STXBP4: variants seen among roughly 807,000 people sequenced by gnomAD.
The protein encoded by STXBP4 is syntaxin binding protein 4, also known as syntaxin-binding protein 4.
A neutral mutation model predicts 76.1 loss-of-function variants in STXBP4; 55 were observed. That is an observed-to-expected ratio of 0.72 (90% CI 0.58 to 0.91). The LOEUF is 0.91. Among genes scored for constraint, STXBP4 ranks in the 40% least tolerant of loss-of-function variants. The pLI is 0.00. For synonymous variants in STXBP4, 201 were observed against 220.2 expected, an observed-to-expected ratio of 0.91 and a Z score of 0.77; for missense variants, 618 against 636.9, an observed-to-expected ratio of 0.97 and a Z score of 0.32.
At position 55,162,571 on chromosome 17, in the gene STXBP4, A is replaced by C. The variant is rs62671360; in HGVS notation, c.*2660A>C. ...CCTGGGTTCCACTTACTCTTGATTT[A>C]AAAAAAAAAAAACAACAAAAGAGTT... On this transcript the variant is annotated 3_prime_UTR_variant, in exon 18 of 18. Transcript: ENST00000376352. 1 of 19,252 alleles carries C rather than the reference A, an allele frequency of 5.2e-5. No individual in the cohort carries two copies. Among genetic ancestry groups the C allele is most frequent in the Non-Finnish European group, 9.8e-5 (1 of 10,206 alleles). The allele number at this position is 19,252 out of a possible 1,614,324, so 1.2% of individuals were successfully genotyped here.
At chr17:55,026,466 G>T (rs915490222) in intron 8 of STXBP4, among the ~76,000 whole-genome samples, 1 of 152,148 alleles carries the variant, frequency 6.6e-6, no homozygotes, top group Non-Finnish European at 1.5e-5. Context: ...AACTTAACAG[G>T]AAAATGGAAT....
chr17:54,988,881 T>C (rs753828253), intron 3 of STXBP4, among the ~76,000 whole-genome samples: 12 of 152,154 alleles, frequency 7.9e-5, no homozygotes, highest in Non-Finnish European at 1.5e-4. Context: ...AGATAGGCCT[T>C]CCCAAATTAG....
rs138375018 is a variant in STXBP4, at chr17:55,037,420, T to A, written c.855+3161T>A. 1.2e-4 allele frequency among the ~76,000 whole-genome samples: 19 copies of A among 152,210 alleles called. 2 individuals are homozygous for A. The highest frequency in any genetic ancestry group is 4.6e-4 in the African/African-American group (19 of 41,558). On this transcript the variant is annotated intron_variant, in intron 10 of 17. Coordinates refer to ENST00000376352, the MANE Select transcript of STXBP4 (RefSeq NM_178509.6). ...GGATGGTCATGCTCCAGGTTAGCAA[T>A]TTATTTCCTCCTTACCAATATAATT...
rs115925208 is a variant in STXBP4, at chr17:55,130,342, G to A, written c.1490-10968G>A. Among the ~76,000 whole-genome samples, 1,077 of 152,230 alleles carry A rather than the reference G, an allele frequency of 7.1e-3. 16 individuals carry two copies. The highest frequency in any genetic ancestry group is 0.025 in the African/African-American group (1,019 of 41,542). On this transcript the variant is annotated intron_variant, in intron 16 of 17. Coordinates refer to ENST00000376352, the MANE Select transcript of STXBP4 (RefSeq NM_178509.6). ...ATATGTTATGCAACAGTAGAAAACT[G>A]TTGCTATAAAAGTATAAACAGTAGG...
chr17:55,006,795 T>G (rs1405576327), intron 7 of STXBP4, among the ~76,000 whole-genome samples: 1 of 152,182 alleles, frequency 6.6e-6, no homozygotes, highest in Non-Finnish European at 1.5e-5. Context: ...GACTTGCATT[T>G]ATGGTTTTTT....
the STXBP4 span, among the ~76,000 whole-genome samples, chr17:55,198,978 C>G: frequency 6.6e-6 from 1 of 152,148 alleles, no homozygotes; most frequent in Non-Finnish European, 1.5e-5. Flanking sequence ...TCTTTCTATG[C>G]CAATGGATTG....
intron 8 of STXBP4, among the ~76,000 whole-genome samples, chr17:55,009,058 TATCA>T (rs2078057732): frequency 6.6e-6 from 1 of 152,226 alleles, no homozygotes; most frequent in African/African-American, 2.4e-5. Context: ...TATCTTGTTT[TATCA>T]ATGAAATTAT....
the STXBP4 span, among the ~76,000 whole-genome samples, chr17:55,198,289 T>C: frequency 6.6e-6 from 1 of 152,176 alleles, no homozygotes; most frequent in Non-Finnish European, 1.5e-5. Flanking sequence ...TCTGGTCCTT[T>C]TGTTACTTAG....
chr17:55,197,982 G>T, the STXBP4 span, among the ~76,000 whole-genome samples: 1 of 152,192 alleles, frequency 6.6e-6, no homozygotes, highest in African/African-American at 2.4e-5. Flanking sequence ...GGAAAGCAGA[G>T]ATTTATTGAA....
Position 55,071,291 on chromosome 17 carries a change from C to G in STXBP4, c.1012-1609C>G, listed in dbSNP as rs571961889. Reference sequence around the variant, plus strand: ...GCCTACAAATTCTCTTAGCCTCTGCCACTTCACTCTACCTCCATCCCTATA... The same window carrying G: ...GCCTACAAATTCTCTTAGCCTCTGCGACTTCACTCTACCTCCATCCCTATA... On this transcript the variant is annotated intron_variant, in intron 12 of 17. Coordinates refer to ENST00000376352, the MANE Select transcript of STXBP4 (RefSeq NM_178509.6). Among the ~76,000 whole-genome samples, 3 of 152,256 alleles carry G rather than the reference C, an allele frequency of 2.0e-5. No individual in the cohort carries two copies. In the South Asian group the frequency reaches 6.2e-4, roughly 32 times the overall value.
At chr17:55,084,394 T>C (rs1299017149) in intron 16 of STXBP4, among the ~76,000 whole-genome samples, 1 of 152,218 alleles carries the variant, frequency 6.6e-6, no homozygotes, top group Non-Finnish European at 1.5e-5. Context: ...CTTTGTCAGA[T>C]GAGTAGGTTG....
chr17:55,145,191 T>C (rs2080138609), intron 17 of STXBP4, among the ~76,000 whole-genome samples: 1 of 152,224 alleles, frequency 6.6e-6, no homozygotes, highest in Non-Finnish European at 1.5e-5. Flanking sequence ...TGTTTTTGTT[T>C]TGTTTTAATC....
At chr17:55,117,822 C>T (rs2079799054) in intron 16 of STXBP4, among the ~76,000 whole-genome samples, 1 of 151,876 alleles carries the variant, frequency 6.6e-6, no homozygotes, top group South Asian at 2.1e-4. Context: ...CTCCATCAGT[C>T]GTATCATCAC....
At chr17:55,098,138 C>T (rs932348606) in intron 16 of STXBP4, among the ~76,000 whole-genome samples, 2 of 152,124 alleles carry the variant, frequency 1.3e-5, no homozygotes, top group Non-Finnish European at 2.9e-5. Context: ...AGATAATGAA[C>T]AATTTCTACT....
intron 12 of STXBP4, among the ~76,000 whole-genome samples, chr17:55,054,775 T>C (rs1390669051): frequency 6.6e-6 from 1 of 151,870 alleles, no homozygotes; most frequent in Non-Finnish European, 1.5e-5. Flanking sequence ...AGAAAAAATA[T>C]TAAGAGGTGG....
At chr17:55,139,369 A>C (rs545950125) in intron 16 of STXBP4, among the ~76,000 whole-genome samples, 10 of 152,266 alleles carry the variant, frequency 6.6e-5, no homozygotes, top group African/African-American at 2.4e-4. Flanking sequence ...CTGATCAGAC[A>C]AATTATTTAG....
rs1404055231 is a variant in STXBP4 at position 54,987,861 on chromosome 17, GTATGT to G, written c.47+1597_47+1601del. On this transcript the variant is annotated intron_variant, in intron 3 of 17. Coordinates refer to ENST00000376352, the MANE Select transcript of STXBP4 (RefSeq NM_178509.6). ...CTTTTCCCATAGCTTTTTCATCAGA[GTATGT>G]TGTTGAAGTTCTAAATTTTTATTGG... 3.9e-5 allele frequency among the ~76,000 whole-genome samples: 6 copies of G among 152,292 alleles called. No individual in the cohort carries two copies. The East Asian group carries it at 1.2e-3, about 29-fold the overall frequency.
the STXBP4 span, among the ~76,000 whole-genome samples, chr17:55,212,301 G>A: frequency 1.3e-5 from 2 of 151,714 alleles, no homozygotes; most frequent in South Asian, 2.1e-4. Context: ...TCTTTCCAGC[G>A]TGACACAAAT....
downstream of STXBP4, among the ~76,000 whole-genome samples, chr17:55,175,267 AGT>A (rs2080425556): frequency 6.6e-6 from 1 of 152,234 alleles, no homozygotes; most frequent in Admixed American, 6.5e-5. Flanking sequence ...TGCTTGGAAC[AGT>A]GTGATTTTTG....
Sources: gnomAD v4.1 joint callset for allele counts (sites outside exome capture counted in the v4.1 genomes callset) on GRCh38, gnomAD v4.1.1 for gene constraint, MANE v1.5 for transcripts, NCBI Gene and HGNC (gene_info 2026-07-23, HGNC 2026-07-21) for gene names.